The following CTNND2 variants were observed in gnomAD, a reference collection of about 807,000 sequenced individuals.
CTNND2 encodes catenin delta 2, also known as catenin delta-2.
CTNND2 carries 22 observed loss-of-function variants against 144.4 expected under a neutral mutation model. The observed-to-expected ratio is 0.15, with a 90% CI of 0.11 to 0.22. The LOEUF is 0.22. Ranked by LOEUF, CTNND2 falls within the 10% of genes least tolerant of loss-of-function variation. The pLI is 1.00. For synonymous variants in CTNND2, 751 were observed against 695.6 expected, an observed-to-expected ratio of 1.08 and a Z score of -1.25; for missense variants, 1,353 against 1,618.8, an observed-to-expected ratio of 0.84 and a Z score of 2.82.
intron 9 of CTNND2, among the ~76,000 whole-genome samples, chr5:11,327,001 C>T (rs1752600997): frequency 6.6e-6 from 1 of 152,118 alleles, no homozygotes; most frequent in African/African-American, 2.4e-5. Context: ...TGATGATTGT[C>T]CTCCTAATTG....
At chr5:11,680,243 G>A (rs946866529) in intron 2 of CTNND2, among the ~76,000 whole-genome samples, 7 of 152,126 alleles carry the variant, frequency 4.6e-5, no homozygotes, top group African/African-American at 9.7e-5. Context: ...CTTAGATAAC[G>A]CAGGAACACA....
chr5:11,476,580 A>T (rs568985811), intron 3 of CTNND2, among the ~76,000 whole-genome samples: 19 of 152,248 alleles, frequency 1.2e-4, no homozygotes, highest in African/African-American at 4.6e-4. Flanking sequence ...TTCCCCATAC[A>T]ATCAGCTTCC....
chr5:11,650,162 T>G (rs1448925641), intron 2 of CTNND2, among the ~76,000 whole-genome samples: 2 of 152,182 alleles, frequency 1.3e-5, no homozygotes. Context: ...CTTGCAGTTT[T>G]CATGATAGTG....
intron 3 of CTNND2, among the ~76,000 whole-genome samples, chr5:11,543,869 C>T (rs1351394451): frequency 6.6e-6 from 1 of 152,108 alleles, no homozygotes; most frequent in Non-Finnish European, 1.5e-5. Flanking sequence ...TCATACTCGG[C>T]AGAATAAAAG....
chr5:11,838,690 G>C (rs1452378909), intron 1 of CTNND2, among the ~76,000 whole-genome samples: 2 of 152,186 alleles, frequency 1.3e-5, no homozygotes, highest in Admixed American at 6.5e-5. Context: ...TTCTTTGCTA[G>C]AGTATGATAC....
chr5:11,248,055 T>A (rs981862883), intron 9 of CTNND2, among the ~76,000 whole-genome samples: 1 of 152,206 alleles, frequency 6.6e-6, no homozygotes, highest in Non-Finnish European at 1.5e-5. Flanking sequence ...TAAAGCATGA[T>A]GACTTTATAG....
At chr5:11,123,010 C>T (rs2149703277) in intron 12 of CTNND2, among the ~76,000 whole-genome samples, 1 of 152,160 alleles carries the variant, frequency 6.6e-6, no homozygotes, top group Admixed American at 6.5e-5. Context: ...GTTCCCAGGC[C>T]CACTGATCCC....
chr5:11,303,954 T>C (rs1749881580), intron 9 of CTNND2, among the ~76,000 whole-genome samples: 1 of 152,090 alleles, frequency 6.6e-6, no homozygotes, highest in African/African-American at 2.4e-5. Context: ...TCTCAGGAGA[T>C]CTGATGGTTT....
chr5:11,332,823 T>A (rs1272048164), intron 9 of CTNND2, among the ~76,000 whole-genome samples: 2 of 152,296 alleles, frequency 1.3e-5, no homozygotes, highest in East Asian at 3.9e-4. Flanking sequence ...TGGTGGGAGA[T>A]AATTGAATTC....
At chr5:11,798,592 C>A (rs796971029) in intron 1 of CTNND2, among the ~76,000 whole-genome samples, 1 of 152,160 alleles carries the variant, frequency 6.6e-6, no homozygotes, top group Non-Finnish European at 1.5e-5. Flanking sequence ...CATGGTGAAA[C>A]CCTGTCTTTA....
At chr5:11,740,159 T>C (rs1346521485) in intron 1 of CTNND2, among the ~76,000 whole-genome samples, 1 of 152,186 alleles carries the variant, frequency 6.6e-6, no homozygotes, top group East Asian at 1.9e-4. Flanking sequence ...AAGCTACCAA[T>C]TACTTTCTTC....
At position 11,903,985 on chromosome 5, in the gene CTNND2, C is replaced by G. The variant is rs1738127725; in HGVS notation, c.-132G>C. 9.1e-7 allele frequency: 1 copy of G among 1,099,178 alleles called. No homozygotes were observed. The highest frequency in any genetic ancestry group is 1.2e-6 in the Non-Finnish European group (1 of 861,734). The allele number at this position is 1,099,178 out of a possible 1,614,324, so 68.1% of individuals were successfully genotyped here. ...TTGTTGTCTGAGCGCGGCCGCGGGA[C>G]AAGGGATGCTGGCGGGCGGCAGGGG... is the stretch of plus-strand genomic sequence containing the variant. On this transcript the variant is annotated 5_prime_UTR_variant, in exon 1 of 22. Transcript: ENST00000304623. The surrounding 1 kb of genome is among the most constrained non-coding windows in gnomAD (Gnocchi z 5.4).
intron 3 of CTNND2, among the ~76,000 whole-genome samples, chr5:11,503,690 T>C (rs1467649147): frequency 6.6e-6 from 1 of 152,220 alleles, no homozygotes. Context: ...TCCAGAGTGA[T>C]TTAAAGAGCA....
At chr5:11,567,463 G>C (rs1777208445) in intron 2 of CTNND2, among the ~76,000 whole-genome samples, 1 of 151,880 alleles carries the variant, frequency 6.6e-6, no homozygotes. Context: ...TTCCTTCAAT[G>C]ACTCCAATTA....
intron 16 of CTNND2, among the ~76,000 whole-genome samples, chr5:11,053,993 C>T (rs114051991): frequency 0.01 from 1,592 of 152,138 alleles, 11 homozygotes; most frequent in Non-Finnish European, 0.017. Flanking sequence ...TACAATAAAA[C>T]GAAAATAAAA....
Position 11,022,971 on chromosome 5 carries a change from C to T in CTNND2, c.2797G>A (p.Ala933Thr), listed in dbSNP as rs1360975743. The change falls in exon 17 of 22, where the codon GCC becomes ACC. Residue 933 changes from alanine (A) to threonine (T), a missense_variant. Around this residue, in one of 4 missense-constraint regions of CTNND2, gnomAD observed 459 missense variants for 674.3 expected, o/e 0.68. Transcript: ENST00000304623. ...AGCCTGTGGACTAGGTCTCGCATGGCGTATTTGCCTGGAAAAGAAAATAAA... is the reference window on the plus strand; with the variant it reads ...AGCCTGTGGACTAGGTCTCGCATGGTGTATTTGCCTGGAAAAGAAAATAAA... ...VRNKELIGKY[A>T]MRDLVHRLPG... 4 of 1,613,928 alleles carry T rather than the reference C, an allele frequency of 2.5e-6. No individual in the cohort carries two copies. Among genetic ancestry groups the T allele is most frequent in the Admixed American group, 1.7e-5 (1 of 60,012 alleles).
intron 3 of CTNND2, among the ~76,000 whole-genome samples, chr5:11,472,682 T>C (rs1025924138): frequency 7.2e-5 from 11 of 152,248 alleles, no homozygotes; most frequent in African/African-American, 2.2e-4. Flanking sequence ...TTAGAACTTA[T>C]ATGATTAAAC....
chr5:11,878,542 A>G (rs1870330), intron 1 of CTNND2, among the ~76,000 whole-genome samples: 91,226 of 152,086 alleles, frequency 0.6, 27,490 homozygotes, highest in South Asian at 0.67. Context: ...CTCAAACTGA[A>G]TACAACTGCA....
intron 12 of CTNND2, among the ~76,000 whole-genome samples, chr5:11,131,155 G>A (rs1423575518): frequency 6.6e-6 from 1 of 152,166 alleles, no homozygotes; most frequent in South Asian, 2.1e-4. Context: ...GCTCAACCAG[G>A]TGTGATTTAT....
Sources: gnomAD v4.1 joint callset for allele counts (sites outside exome capture counted in the v4.1 genomes callset) on GRCh38, gnomAD v4.1.1 for gene constraint, gnomAD v4.1.1 regional missense constraint, Gnocchi (gnomAD v3.1) non-coding constraint, MANE v1.5 for transcripts, NCBI Gene and HGNC (gene_info 2026-07-23, HGNC 2026-07-21) for gene names.